Variants in SPANXN3 observed in about 807,000 individuals in gnomAD.
The protein encoded by SPANXN3 is SPANX family member N3.
A neutral mutation model predicts 1.9 loss-of-function variants in SPANXN3; 1 was observed. That is an observed-to-expected ratio of 0.54 (90% CI 0.19 to 2.54). The LOEUF (loss-of-function observed/expected upper bound fraction) is 2.54, where lower values mean the gene tolerates loss of function less well. Ranked by LOEUF, SPANXN3 falls within the 30% of genes most tolerant of loss-of-function variation. The probability of loss-of-function intolerance (pLI) is 0.24; values close to 1 mark genes in which losing one functional copy is unlikely to be tolerated. For missense variants in SPANXN3, 113 were observed against 96.2 expected, an observed-to-expected ratio of 1.17 and a Z score of -0.73; for synonymous variants, 47 against 40.0, an observed-to-expected ratio of 1.17 and a Z score of -0.66.
chrX:143,516,311 C>T (rs1344446813), intron 1 of SPANXN3, among the ~76,000 whole-genome samples: 3 of 112,491 alleles, frequency 2.7e-5, no homozygotes, highest in African/African-American at 6.5e-5. Context: ...TGTCCACCCC[C>T]AGTGTCTTCT....
chrX:143,517,317 A>G lies in SPANXN3; in HGVS notation c.75T>C (p.Asp25=), dbSNP rs370325244. Residue 25 remains aspartate (D), a synonymous_variant, in exon 1 of 2, where the codon GAT becomes GAC. Coordinates refer to ENST00000370503, the MANE Select transcript of SPANXN3 (RefSeq NM_001009609.4). ...SPCESNNKKN[D]EMQEVPNRVL... is the part of the protein sequence containing the mutation. ...CTTCAAAACCTGACAATCTTACCTC[A>G]TCATTTTTTTTGTTATTGGATTCAC... 6 of 1,206,770 alleles carry G rather than the reference A, an allele frequency of 5.0e-6. No individual in the cohort carries two copies. Among genetic ancestry groups the G allele is most frequent in the Non-Finnish European group, 5.6e-6 (5 of 893,749 alleles).
At chrX:143,509,961 AAAGCAGC>A (rs1421821795) in intron 1 of SPANXN3, among the ~76,000 whole-genome samples, 15 of 111,420 alleles carry the variant, frequency 1.3e-4, no homozygotes, top group Non-Finnish European at 1.9e-4. Flanking sequence ...TGGAAAGCAG[AAAGCAGC>A]AAGCAGCACA....
At chrX:143,514,061 C>T (rs1456774499) in intron 1 of SPANXN3, among the ~76,000 whole-genome samples, 2 of 112,207 alleles carry the variant, frequency 1.8e-5, no homozygotes, top group Admixed American at 1.9e-4. Context: ...CAAACTTATA[C>T]ATAAGCTGCT....
chrX:143,509,063 C>A lies in SPANXN3; in HGVS notation c.178G>T (p.Gly60Cys). Residue 60 changes from glycine (G) to cysteine (C), a missense_variant, in exon 2 of 2, where the codon GGT becomes TGT. Transcript: ENST00000370503. ...AGTTGATTTGAATTTATTTTCTTAC[C>A]CTTCCTGAGGTAATACACAAATATT... ...PIIFVYYLRK[G>C]KKINSNQLEN... 1 of 1,211,070 alleles carries A rather than the reference C, an allele frequency of 8.3e-7. No homozygotes were observed. The highest frequency in any genetic ancestry group is 1.1e-6 in the Non-Finnish European group (1 of 894,971).
Position 143,508,856 on chromosome X carries a change from C to G in SPANXN3, c.385G>C (p.Gly129Arg). ...TCCTGTGAAGATCCTTCAGATAAGC[C>G]TAGGTCTTCATCCTCCTGTGAGGAT... ...EGSSQEDEDL[G>R]LSEGSSQDSG... Residue 129 changes from glycine to arginine, a missense_variant, in exon 2 of 2, where the codon GGC becomes CGC. Transcript: ENST00000370503. 1 of 1,211,780 alleles carries G rather than the reference C, an allele frequency of 8.3e-7. No homozygotes were observed. The highest frequency in any genetic ancestry group is 1.1e-6 in the Non-Finnish European group (1 of 895,459).
intron 1 of SPANXN3, among the ~76,000 whole-genome samples, chrX:143,511,038 G>C (rs1330306261): frequency 1.5e-4 from 17 of 112,024 alleles, no homozygotes; most frequent in African/African-American, 5.2e-4. Flanking sequence ...AAGAGACTTT[G>C]CTCCTTTTCA....
rs782649682 is a variant in SPANXN3 at position 143,510,477 on chromosome X, G to A, written c.79-1315C>T. 9.0e-5 allele frequency among the ~76,000 whole-genome samples: 10 copies of A among 111,308 alleles called. No individual in the cohort carries two copies. The South Asian group carries it at 3.8e-3, about 43-fold the overall frequency. ...TCTGGAGAACTCACTCCCCTCTGGG[G>A]TATTCACTCCCTTCTGGGGTACTCA... is the stretch of plus-strand genomic sequence containing the variant. On this transcript the variant is annotated intron_variant, in intron 1 of 1. Transcript: ENST00000370503.
chrX:143,513,450 C>T (rs782397612), intron 1 of SPANXN3, among the ~76,000 whole-genome samples: 19 of 112,024 alleles, frequency 1.7e-4, no homozygotes, highest in Non-Finnish European at 3.2e-4. Flanking sequence ...AAAATCTTGG[C>T]TGTGGCCACA....
intron 1 of SPANXN3, among the ~76,000 whole-genome samples, chrX:143,512,187 A>G (rs782289751): frequency 9.2e-6 from 1 of 109,273 alleles, no homozygotes; most frequent in Non-Finnish European, 1.9e-5. Flanking sequence ...GGCTCCTACA[A>G]TTCTACCCCT....
intron 1 of SPANXN3, among the ~76,000 whole-genome samples, chrX:143,512,957 C>G (rs1416582654): frequency 8.9e-6 from 1 of 111,833 alleles, no homozygotes; most frequent in Non-Finnish European, 1.9e-5. Context: ...AAAGTTTGGG[C>G]CTAGCCCACA....
Position 143,517,363 on chromosome X carries a change from C to G in SPANXN3, c.29G>C (p.Gly10Ala). The change falls in exon 1 of 2, where the codon GGG (glycine) becomes GCG (alanine). Residue 10 changes from glycine (G) to alanine (A), a missense_variant. Transcript: ENST00000370503. Reference sequence around the variant, plus strand: ...TTCACAGGGGCTCTTCGTCTTCTCCCCATTGGTGCTGGAAGTTGGCTGTTC... The same window carrying G: ...TTCACAGGGGCTCTTCGTCTTCTCCGCATTGGTGCTGGAAGTTGGCTGTTC... MEQPTSSTN[G>A]EKTKSPCESN... 8.3e-7 allele frequency: 1 copy of G among 1,211,515 alleles called. No individual in the cohort carries two copies. The highest frequency in any genetic ancestry group is 1.1e-6 in the Non-Finnish European group (1 of 895,364).
intron 1 of SPANXN3, among the ~76,000 whole-genome samples, chrX:143,511,698 T>G (rs782664538): frequency 9.0e-6 from 1 of 111,709 alleles, no homozygotes; most frequent in Non-Finnish European, 1.9e-5. Flanking sequence ...CTGTTATAAG[T>G]GCATCCAACA....
chrX:143,516,539 A>G (rs1556412557), intron 1 of SPANXN3: 1 of 112,335 alleles, frequency 8.9e-6, no homozygotes. Context: ...GTCAGCACTG[A>G]GATAGCAGGG....
In SPANXN3 at chrX:143,509,340, G is replaced by T. The variant is rs782319171; in HGVS notation, c.79-178C>A. On this transcript the variant is annotated intron_variant, in intron 1 of 1. Transcript: ENST00000370503. ...ATGCAGAAGAAGAAGAGGAGCATGG[G>T]TAGAGTCACCTGTTAGTCCAAACTG... Among the ~76,000 whole-genome samples, 7 of 111,179 alleles carry T rather than the reference G, an allele frequency of 6.3e-5. No individual in the cohort carries two copies. In the East Asian group the frequency reaches 1.1e-3, roughly 18 times the overall value.
In SPANXN3 at chrX:143,517,362, C is replaced by T. The variant is rs1556412872; in HGVS notation, c.30G>A (p.Gly10=). The T allele has an allele frequency of 8.3e-7, 1 of 1,211,406 alleles. No individual in the cohort carries two copies. The highest frequency in any genetic ancestry group is 1.7e-5 in the African/African-American group (1 of 57,749). The change falls in exon 1 of 2, where the codon GGG becomes GGA. Residue 10 remains glycine (G), a synonymous_variant. Coordinates refer to ENST00000370503, the MANE Select transcript of SPANXN3 (RefSeq NM_001009609.4). ...ATTCACAGGGGCTCTTCGTCTTCTC[C>T]CCATTGGTGCTGGAAGTTGGCTGTT... The part of the protein sequence containing the change: MEQPTSSTN[G]EKTKSPCESN...
chrX:143,514,031 G>C (rs1929158875), intron 1 of SPANXN3, among the ~76,000 whole-genome samples: 1 of 111,883 alleles, frequency 8.9e-6, no homozygotes, highest in African/African-American at 3.3e-5. Context: ...AACTACAAAA[G>C]GAACTCCCAT....
chrX:143,512,282 G>T (rs190624066), intron 1 of SPANXN3, among the ~76,000 whole-genome samples: 93 of 111,046 alleles, frequency 8.4e-4, no homozygotes, highest in African/African-American at 2.9e-3. Context: ...TAATTCTAAA[G>T]CTTGGAATGT....
intron 1 of SPANXN3, among the ~76,000 whole-genome samples, chrX:143,516,213 G>A (rs1382117346): frequency 8.9e-6 from 1 of 112,157 alleles, no homozygotes; most frequent in African/African-American, 3.2e-5. Flanking sequence ...ATTCAACTTG[G>A]AAAAATATAA....
In SPANXN3 at chrX:143,508,987, T is replaced by G. The variant is rs1556411256; in HGVS notation, c.254A>C (p.Glu85Ala). Reference sequence around the variant, plus strand: ...TTCAGATAAGTCTACGCCTTCGTCCTCCTCCTTTTGGATTGGATTGATGGA... The same window carrying G: ...TTCAGATAAGTCTACGCCTTCGTCCGCCTCCTTTTGGATTGGATTGATGGA... ...ENSINPIQKE[E>A]DEGVDLSEGS... The change falls in exon 2 of 2, where the codon GAG becomes GCG. Residue 85 changes from glutamate (E) to alanine (A), a missense_variant. Transcript: ENST00000370503. The G allele has an allele frequency of 8.2e-7, 1 of 1,212,307 alleles. No individual in the cohort carries two copies. The highest frequency in any genetic ancestry group is 2.2e-5 in the Admixed American group (1 of 46,108).
Sources: gnomAD v4.1 joint callset for allele counts (sites outside exome capture counted in the v4.1 genomes callset) on GRCh38, gnomAD v4.1.1 for gene constraint, MANE v1.5 for transcripts, NCBI Gene and HGNC (gene_info 2026-07-23, HGNC 2026-07-21) for gene names.